The following SENP1 variants were observed in gnomAD, a reference collection of about 807,000 sequenced individuals.
The protein encoded by SENP1 is SUMO specific peptidase 1, also known as sentrin-specific protease 1.
SENP1 carries 21 observed loss-of-function variants against 93.0 expected under a neutral mutation model. The observed-to-expected ratio is 0.23, with a 90% CI of 0.16 to 0.33. SENP1 has a LOEUF of 0.33. SENP1 is among the 10% of genes least tolerant of loss of function. The probability of loss-of-function intolerance (pLI) is 1.00; values close to 1 mark genes in which losing one functional copy is unlikely to be tolerated. For synonymous variants in SENP1, 256 were observed against 259.6 expected (o/e 0.99, Z 0.13); for missense variants, 591 against 758.7 (o/e 0.78, Z 2.60).
At chr12:48,085,465 A>G in intron 5 of SENP1, 1 of 672,098 alleles carries the variant, frequency 1.5e-6, no homozygotes, top group South Asian at 2.3e-5. Flanking sequence ...CCCTTCCCTC[A>G]TTCTCAGGCC....
intron 5 of SENP1, among the ~76,000 whole-genome samples, chr12:48,087,193 G>A (rs1944935570): frequency 6.6e-6 from 1 of 151,822 alleles, no homozygotes; most frequent in African/African-American, 2.4e-5. Flanking sequence ...TATGACTTAG[G>A]GTATAAAACA....
In SENP1 at chr12:48,065,104, T is replaced by C. The variant is rs763513613; in HGVS notation, c.1236A>G (p.Lys412=). 3 of 1,607,856 alleles carry C rather than the reference T, an allele frequency of 1.9e-6. No individual in the cohort carries two copies. The highest frequency in any genetic ancestry group is 1.7e-5 in the Admixed American group (1 of 59,992). ...GAAATTCATCTTCACTATCAGTTAA[T>C]TTATGACCTTTTTTTTGTGTTTCTT... is the stretch of plus-strand genomic sequence containing the variant. ...VVQETQKKGH[K]LTDSEDEFPE... Residue 412 remains lysine, a synonymous_variant, in exon 12 of 18, where the codon AAA becomes AAG. Transcript: ENST00000549518.
chr12:48,071,584 C>G, intron 9 of SENP1, 83 bp downstream of exon 9: 1 of 994,688 alleles, frequency 1.0e-6, no homozygotes, highest in East Asian at 2.7e-5. Context: ...CCACTACACT[C>G]CAGCCTGGGC....
intron 2 of SENP1, among the ~76,000 whole-genome samples, chr12:48,098,818 T>G (rs536897440): frequency 1.0e-4 from 15 of 150,098 alleles, no homozygotes; most frequent in African/African-American, 3.4e-4. Context: ...TGTCTAACAA[T>G]AATAATAAAA....
intron 5 of SENP1, chr12:48,088,506 A>AT (rs1945028366): frequency 5.7e-6 from 2 of 349,580 alleles, no homozygotes; most frequent in South Asian, 7.3e-5. Flanking sequence ...AGATTGACTG[A>AT]TTTTCACTTT....
At chr12:48,085,562 G>C (rs191620929) in intron 5 of SENP1, 583 of 469,486 alleles carry the variant, frequency 1.2e-3, no homozygotes, top group Non-Finnish European at 1.8e-3. Flanking sequence ...TAAGAGGCTA[G>C]GTGAGGCGCT....
chr12:48,047,346 G>A (rs991538779), intron 15 of SENP1, among the ~76,000 whole-genome samples: 1 of 152,108 alleles, frequency 6.6e-6, no homozygotes, highest in Non-Finnish European at 1.5e-5. Flanking sequence ...TTCCTTCTGA[G>A]GAACAATTCT....
At chr12:48,073,584 A>T (rs1007187020) in intron 8 of SENP1, among the ~76,000 whole-genome samples, 5 of 152,244 alleles carry the variant, frequency 3.3e-5, no homozygotes, top group African/African-American at 9.6e-5. Flanking sequence ...GAAGGGGGAA[A>T]TTAAGGAAAC....
chr12:48,096,614 C>T (rs1190464341), intron 3 of SENP1, among the ~76,000 whole-genome samples, 187 bp from the exon 4 acceptor site: 2 of 152,122 alleles, frequency 1.3e-5, no homozygotes, highest in African/African-American at 4.8e-5. Context: ...CGCCATCACA[C>T]CTGGCTAATT....
chr12:48,104,340 AG>A (rs1211846666), intron 1 of SENP1, among the ~76,000 whole-genome samples: 1 of 147,588 alleles, frequency 6.8e-6, no homozygotes, highest in African/African-American at 2.5e-5. Context: ...AGATGTGGTT[AG>A]AACAATTTAT....
chr12:48,104,943 G>T (rs1445925838), intron 1 of SENP1, among the ~76,000 whole-genome samples: 1 of 152,220 alleles, frequency 6.6e-6, no homozygotes, highest in Non-Finnish European at 1.5e-5. Context: ...GTGTAAACTG[G>T]AAGTAGGTTA....
chr12:48,071,767 G>A, intron 8 of SENP1, 46 bp from the exon 9 acceptor site: 1 of 1,287,680 alleles, frequency 7.8e-7, no homozygotes, highest in Non-Finnish European at 1.1e-6. Flanking sequence ...ACTCCACAAA[G>A]TTATACTTTC....
chr12:48,045,440 G>T, intron 17 of SENP1, 56 bp from the exon 18 acceptor site: 2 of 1,418,582 alleles, frequency 1.4e-6, no homozygotes, highest in East Asian at 2.3e-5. Flanking sequence ...GACCTGATAC[G>T]CCTTTCCCCA....
At position 48,068,330 on chromosome 12, in the gene SENP1, T is replaced by C. The variant is rs144726537; in HGVS notation, c.996-1365A>G. On this transcript the variant is annotated intron_variant, in intron 9 of 17. Transcript: ENST00000549518. ...ATATAATTGAGGCATATAGTAATAATAACTGCAAATGTTTTTGAGCACATA... is the reference window on the plus strand; with the variant it reads ...ATATAATTGAGGCATATAGTAATAACAACTGCAAATGTTTTTGAGCACATA... Among the ~76,000 whole-genome samples the C allele has an allele frequency of 1.2e-3, 176 of 152,346 alleles. 1 individual carries two copies. Among genetic ancestry groups the C allele is most frequent in the Non-Finnish European group, 1.7e-3 (113 of 68,036 alleles).
At chr12:48,089,292 G>C in intron 4 of SENP1, 1 of 1,372,394 alleles carries the variant, frequency 7.3e-7, no homozygotes, top group Non-Finnish European at 9.7e-7. Flanking sequence ...CCAGGCCTGG[G>C]CCTGAAAGAA....
intron 6 of SENP1, among the ~76,000 whole-genome samples, chr12:48,083,199 G>T (rs550668750): frequency 6.6e-6 from 1 of 152,132 alleles, no homozygotes; most frequent in Non-Finnish European, 1.5e-5. Flanking sequence ...GCCACGTCAC[G>T]TGGACTGAAA....
intron 6 of SENP1, among the ~76,000 whole-genome samples, chr12:48,078,366 T>G (rs200683222): frequency 0.22 from 24,876 of 112,202 alleles, 3,257 homozygotes; most frequent in East Asian, 0.38. Context: ...CACACACACA[T>G]ACACATATAT....
intron 2 of SENP1, among the ~76,000 whole-genome samples, chr12:48,098,718 G>C (rs546590652): frequency 2.0e-5 from 3 of 151,710 alleles, no homozygotes; most frequent in African/African-American, 7.3e-5. Context: ...AGCTGAGGCA[G>C]GAGGACTGTT....
At chr12:48,050,848 G>A (rs1428496910) in intron 13 of SENP1, among the ~76,000 whole-genome samples, 1 of 152,180 alleles carries the variant, frequency 6.6e-6, no homozygotes, top group Non-Finnish European at 1.5e-5. Flanking sequence ...TGTTGGCCAT[G>A]TTATAGGGTA....
Sources: allele counts gnomAD v4.1 joint callset (sites outside exome capture counted in the v4.1 genomes callset), GRCh38; gene constraint gnomAD v4.1.1; transcripts MANE v1.5; gene names NCBI Gene and HGNC (gene_info 2026-07-23, HGNC 2026-07-21).